The following PTPRD variants were observed in gnomAD, a reference collection of about 807,000 sequenced individuals.
PTPRD encodes the protein receptor-type tyrosine-protein phosphatase delta.
A neutral mutation model predicts 214.5 loss-of-function variants in PTPRD; 34 were observed. That is an observed-to-expected ratio of 0.16 (90% CI 0.12 to 0.21). The LOEUF is 0.21. Among genes scored for constraint, PTPRD ranks in the 10% least tolerant of loss-of-function variants. The pLI, the probability that PTPRD is intolerant of heterozygous loss-of-function variation, is 1.00. For synonymous variants in PTPRD, 1,128 were observed against 845.7 expected (o/e 1.33, Z -5.79); for missense variants, 2,545 against 2,398.7 (o/e 1.06, Z -1.27).
At chr9:9,750,945 C>T (rs778031862) in intron 6 of PTPRD, among the ~76,000 whole-genome samples, 5 of 152,018 alleles carry the variant, frequency 3.3e-5, no homozygotes, top group Non-Finnish European at 5.9e-5. Context: ...CTTCACATGT[C>T]GCAATCATTA....
At chr9:10,479,224 C>G (rs1384125241) in intron 2 of PTPRD, among the ~76,000 whole-genome samples, 1 of 152,118 alleles carries the variant, frequency 6.6e-6, no homozygotes, top group Non-Finnish European at 1.5e-5. Context: ...ACATGATATT[C>G]CAAACATGCC....
chr9:10,405,371 C>G (rs1055092203), intron 2 of PTPRD, among the ~76,000 whole-genome samples: 1 of 151,532 alleles, frequency 6.6e-6, no homozygotes, highest in African/African-American at 2.4e-5. Flanking sequence ...ATATTTTCTA[C>G]AAATCTGTTA....
intron 8 of PTPRD, among the ~76,000 whole-genome samples, chr9:9,511,162 A>G (rs1590247332): frequency 6.6e-6 from 1 of 151,894 alleles, no homozygotes; most frequent in East Asian, 1.9e-4. Flanking sequence ...TGTTGTATTC[A>G]ATTAAAAATA....
intron 8 of PTPRD, among the ~76,000 whole-genome samples, chr9:9,430,934 TA>T (rs1225616664): frequency 6.6e-6 from 1 of 152,152 alleles, no homozygotes; most frequent in African/African-American, 2.4e-5. Flanking sequence ...ATTTCAGACC[TA>T]AAACCATAAA....
intron 11 of PTPRD, among the ~76,000 whole-genome samples, chr9:8,787,147 T>A (rs973704037): frequency 6.6e-6 from 1 of 152,166 alleles, no homozygotes; most frequent in Non-Finnish European, 1.5e-5. Context: ...GAGAAAACTA[T>A]ATTAAACAGC....
chr9:8,720,925 T>C (rs2098487121), intron 12 of PTPRD, among the ~76,000 whole-genome samples: 2 of 152,152 alleles, frequency 1.3e-5, no homozygotes, highest in Admixed American at 1.3e-4. Flanking sequence ...TGCCTGCTCT[T>C]TTCAGCTGTT....
chr9:9,284,308 G>A (rs1222193178), intron 9 of PTPRD, among the ~76,000 whole-genome samples: 1 of 151,516 alleles, frequency 6.6e-6, no homozygotes, highest in Admixed American at 6.6e-5. Flanking sequence ...CCCATCATCT[G>A]GATTTAAAGG....
intron 7 of PTPRD, among the ~76,000 whole-genome samples, chr9:9,583,055 G>C (rs1361109136): frequency 6.6e-6 from 1 of 152,020 alleles, no homozygotes; most frequent in Admixed American, 6.6e-5. Flanking sequence ...GCTGGAATTT[G>C]TATTTTAGCC....
intron 2 of PTPRD, among the ~76,000 whole-genome samples, chr9:10,388,619 T>C (rs1387359150): frequency 2.6e-5 from 4 of 151,836 alleles, no homozygotes; most frequent in Non-Finnish European, 5.9e-5. Flanking sequence ...ACAAATAACA[T>C]ACTATAATGA....
At chr9:10,555,725 A>G (rs1219557279) in intron 2 of PTPRD, among the ~76,000 whole-genome samples, 1 of 152,232 alleles carries the variant, frequency 6.6e-6, no homozygotes, top group Non-Finnish European at 1.5e-5. Context: ...AAAAATTGAA[A>G]AGAAGTTTTA....
At chr9:8,734,838 T>C (rs2098700490) in intron 11 of PTPRD, among the ~76,000 whole-genome samples, 1 of 152,194 alleles carries the variant, frequency 6.6e-6, no homozygotes, top group Non-Finnish European at 1.5e-5. Flanking sequence ...CTATAAAAGA[T>C]AGGATCAAGA....
In PTPRD at chr9:8,956,131, A is replaced by G. The variant is rs189207335; in HGVS notation, c.-104+62566T>C. ...AGCAATAAATTACAATGTCAGAAACATAAGGTGCTGACCTCCCAGTGTGAA... is the reference window on the plus strand; with the variant it reads ...AGCAATAAATTACAATGTCAGAAACGTAAGGTGCTGACCTCCCAGTGTGAA... On this transcript the variant is annotated intron_variant, in intron 11 of 45. Transcript: ENST00000381196. 3.3e-5 allele frequency among the ~76,000 whole-genome samples: 5 copies of G among 152,072 alleles called. No homozygotes were observed. In the East Asian group the frequency reaches 9.7e-4, roughly 29 times the overall value.
chr9:9,119,878 A>T (rs1427445470), intron 10 of PTPRD, among the ~76,000 whole-genome samples: 1 of 151,822 alleles, frequency 6.6e-6, no homozygotes, highest in Non-Finnish European at 1.5e-5. Flanking sequence ...ACTACACATG[A>T]AAGTGTATTG....
chr9:10,163,228 T>G (rs182754627), intron 3 of PTPRD, among the ~76,000 whole-genome samples: 1 of 151,404 alleles, frequency 6.6e-6, no homozygotes, highest in Non-Finnish European at 1.5e-5. Flanking sequence ...AAATTTCTCA[T>G]GGAGGCCAGT....
intron 8 of PTPRD, among the ~76,000 whole-genome samples, chr9:9,460,504 T>G (rs1281737220): frequency 6.6e-6 from 1 of 151,784 alleles, no homozygotes; most frequent in Non-Finnish European, 1.5e-5. Flanking sequence ...AACAAATCCA[T>G]TAAAAAGTGG....
chr9:10,282,818 G>A (rs1446398896), intron 3 of PTPRD, among the ~76,000 whole-genome samples: 1 of 152,060 alleles, frequency 6.6e-6, no homozygotes, highest in Non-Finnish European at 1.5e-5. Context: ...AAGATCAGAA[G>A]TAGCAAGAAT....
intron 10 of PTPRD, among the ~76,000 whole-genome samples, chr9:9,084,652 A>T (rs891081849): frequency 2.0e-5 from 3 of 152,160 alleles, no homozygotes; most frequent in African/African-American, 7.2e-5. Flanking sequence ...ATTTTTAAGC[A>T]GAGGTAATGT....
At chr9:9,961,613 C>T (rs926327200) in intron 4 of PTPRD, among the ~76,000 whole-genome samples, 57 of 152,182 alleles carry the variant, frequency 3.7e-4, no homozygotes, top group African/African-American at 1.3e-3. Flanking sequence ...ACAGTGATTA[C>T]TTGACTGCCA....
chr9:10,523,601 GTATATATATATA>G (rs201455705), intron 2 of PTPRD, among the ~76,000 whole-genome samples: 3 of 64,352 alleles, frequency 4.7e-5, no homozygotes, highest in South Asian at 7.5e-4. Context: ...ATATTTATCT[GTATATATATATA>G]TATATATATA....
Sources: allele counts gnomAD v4.1 joint callset (sites outside exome capture counted in the v4.1 genomes callset), GRCh38; gene constraint gnomAD v4.1.1; transcripts MANE v1.5; gene names NCBI Gene and HGNC (gene_info 2026-07-23, HGNC 2026-07-21).